The following CLSTN1 variants were observed in gnomAD, a reference collection of about 807,000 sequenced individuals.
The protein encoded by CLSTN1 is calsyntenin-1.
In CLSTN1, 28 loss-of-function variants were observed where a neutral mutation model predicts 108.3. The ratio of observed to expected loss-of-function variants is 0.26; its 90% CI spans 0.19 to 0.35. CLSTN1 has a LOEUF of 0.35. CLSTN1 is among the 10% of genes least tolerant of loss of function. The probability of loss-of-function intolerance (pLI) is 1.00; values close to 1 mark genes in which losing one functional copy is unlikely to be tolerated. For synonymous variants in CLSTN1, 524 were observed against 534.9 expected (o/e 0.98, Z 0.28); for missense variants, 1,157 against 1,302.6 (o/e 0.89, Z 1.72).
chr1:9,790,378 G>A lies in CLSTN1; in HGVS notation c.92-16984C>T, dbSNP rs564746849. ...ATAGCATCTTCTGAAATGCTATTTC[G>A]GCATTAATTGGTATGCTGTGACTTT... On this transcript the variant is annotated intron_variant, in intron 1 of 18. Transcript: ENST00000377298. 1.1e-4 allele frequency among the ~76,000 whole-genome samples: 16 copies of A among 151,298 alleles called. 2 individuals carry two copies. In the South Asian group the frequency reaches 2.4e-3, roughly 23 times the overall value.
chr1:9,767,294 G>A (rs1433906036), intron 2 of CLSTN1, among the ~76,000 whole-genome samples: 2 of 152,214 alleles, frequency 1.3e-5, no homozygotes, highest in African/African-American at 2.4e-5. Flanking sequence ...TGTAATCCCA[G>A]CATTTTGGGA....
Position 9,744,443 on chromosome 1 carries a change from G to T in CLSTN1, c.1186C>A (p.Pro396Thr). The change falls in exon 8 of 19, where the codon CCA (proline) becomes ACA (threonine). Residue 396 changes from proline (P) to threonine (T), a missense_variant. Transcript: ENST00000377298. ...ATTGTCTCCTTCTTCCTGCCGAATG[G>T]CCCATGTCTCATCCACACCGAGATG... is the stretch of plus-strand genomic sequence containing the variant. Reference protein sequence around the residue: ...FTISVWMRHGPFGRKKETILC... With the variant: ...FTISVWMRHGTFGRKKETILC... The T allele has an allele frequency of 6.2e-7, 1 of 1,609,862 alleles. No individual in the cohort carries two copies. The highest frequency in any genetic ancestry group is 8.5e-7 in the Non-Finnish European group (1 of 1,179,540).
chr1:9,735,111 C>T lies in CLSTN1; in HGVS notation c.1947G>A (p.Gln649=), dbSNP rs1557690183. 1.2e-6 allele frequency: 2 copies of T among 1,614,222 alleles called. No individual in the cohort carries two copies. Among genetic ancestry groups the T allele is most frequent in the Non-Finnish European group, 1.7e-6 (2 of 1,180,042 alleles). Residue 649 remains glutamine, a synonymous_variant, in exon 14 of 19, where the codon CAG becomes CAA. Transcript: ENST00000377298. ...TCAGGCTGATCTTGGGCTCCTCGGG[C>T]TGTAAAACCATCACGTAGCCATCTA... The part of the protein sequence containing the change: ...PPVDGYVMVL[Q]PEEPKISLSG...
intron 1 of CLSTN1, among the ~76,000 whole-genome samples, chr1:9,817,222 T>C (rs74649083): frequency 0.024 from 3,705 of 152,328 alleles, 70 homozygotes; most frequent in Non-Finnish European, 0.039. Context: ...TTTAAGATAA[T>C]GATTCATGTC....
rs748805500 is a variant in CLSTN1 at position 9,735,938 on chromosome 1, A to G, written c.1681T>C (p.Cys561Arg). Reference protein sequence around the residue: ...DKKVIDCLYTCKEGLDLQVLE... With the variant: ...DKKVIDCLYTRKEGLDLQVLE... ...ACCTGCAGGTCCAGCCCCTCCTTGCAGGTATACAGACAGTCGATCACCTTC... is the reference window on the plus strand; with the variant it reads ...ACCTGCAGGTCCAGCCCCTCCTTGCGGGTATACAGACAGTCGATCACCTTC... Residue 561 changes from cysteine (C) to arginine (R), a missense_variant, in exon 12 of 19, where the codon TGC becomes CGC. Cys to Arg is a radical substitution (Grantham distance 180, BLOSUM62 -3). Transcript: ENST00000377298. 6.2e-7 allele frequency: 1 copy of G among 1,614,182 alleles called. No homozygotes were observed. The highest frequency in any genetic ancestry group is 8.5e-7 in the Non-Finnish European group (1 of 1,180,028).
chr1:9,788,736 C>T (rs961625021), intron 1 of CLSTN1, among the ~76,000 whole-genome samples: 3 of 150,226 alleles, frequency 2.0e-5, no homozygotes, highest in Non-Finnish European at 4.4e-5. Context: ...GGCGTGGTGG[C>T]GGGTGCCTGC....
chr1:9,786,371 G>A (rs1235551500), intron 1 of CLSTN1, among the ~76,000 whole-genome samples: 3 of 152,078 alleles, frequency 2.0e-5, no homozygotes, highest in African/African-American at 4.8e-5. Context: ...GCTGGGCGCG[G>A]TGGCTCATGC....
chr1:9,764,452 C>T (rs113062035), intron 2 of CLSTN1, among the ~76,000 whole-genome samples: 1 of 152,060 alleles, frequency 6.6e-6, no homozygotes, highest in African/African-American at 2.4e-5. Flanking sequence ...GCCTGGGTAA[C>T]ATGGTGAAAC....
chr1:9,806,607 C>T (rs1337123180), intron 1 of CLSTN1, among the ~76,000 whole-genome samples: 2 of 152,074 alleles, frequency 1.3e-5, no homozygotes. Flanking sequence ...AGGCCGGGCG[C>T]GGTGGCTCAC....
intron 1 of CLSTN1, among the ~76,000 whole-genome samples, chr1:9,783,925 AG>A (rs1174528953): frequency 6.6e-6 from 1 of 151,870 alleles, no homozygotes; most frequent in Non-Finnish European, 1.5e-5. Flanking sequence ...CCTGGGAGGC[AG>A]AGGTTGCAGG....
chr1:9,739,035 G>A (rs1251064046), intron 10 of CLSTN1, among the ~76,000 whole-genome samples: 1 of 152,202 alleles, frequency 6.6e-6, no homozygotes, highest in African/African-American at 2.4e-5. Context: ...TAATGATGAT[G>A]ATACCTTGAA....
intron 1 of CLSTN1, among the ~76,000 whole-genome samples, chr1:9,788,637 G>A (rs1047814368): frequency 5.3e-5 from 8 of 151,108 alleles, no homozygotes; most frequent in African/African-American, 1.9e-4. Context: ...GGAGGCCGAG[G>A]CAGGCGGATC....
intron 5 of CLSTN1, among the ~76,000 whole-genome samples, chr1:9,750,435 T>C (rs1570450907): frequency 6.6e-6 from 1 of 152,194 alleles, no homozygotes; most frequent in African/African-American, 2.4e-5. Context: ...AACACTGTAT[T>C]ATCTTTTTTT....
chr1:9,730,595 G>A lies in CLSTN1; in HGVS notation c.2859C>T (p.Ser953=), dbSNP rs199996642. 9 of 1,609,716 alleles carry A rather than the reference G, an allele frequency of 5.6e-6. No individual in the cohort carries two copies. The highest frequency in any genetic ancestry group is 2.7e-5 in the African/African-American group (2 of 74,848). The change falls in exon 19 of 19, where the codon AGC becomes AGT. Residue 953 remains serine, a synonymous_variant. Transcript: ENST00000377298. This position sits in a 1 kb window ranked among gnomAD's most constrained non-coding sequence, Gnocchi z 5.6. ...DDITSAESES[S]EEEEGEQGDP... is the part of the protein sequence containing the mutation. ...CGCCCTGCTCCCCCTCCTCCTCCTC[G>A]CTGCTCTCCGACTCGGCGCTGGTGA...
chr1:9,733,840 C>A, intron 15 of CLSTN1, 132 bp downstream of exon 15: 2 of 948,528 alleles, frequency 2.1e-6, no homozygotes, highest in South Asian at 3.2e-5. Flanking sequence ...ATGATCCCAG[C>A]GAACGTGCTC....
At chr1:9,760,534 C>T (rs561713852) in intron 2 of CLSTN1, among the ~76,000 whole-genome samples, 1 of 152,188 alleles carries the variant, frequency 6.6e-6, no homozygotes, top group South Asian at 2.1e-4. Context: ...TGATGAGATA[C>T]AATGAGGGCT....
At chr1:9,735,671 G>A in intron 12 of CLSTN1, 56 bp from the exon 13 acceptor site, 2 of 1,605,418 alleles carry the variant, frequency 1.2e-6, no homozygotes, top group Non-Finnish European at 8.5e-7. Context: ...CGCAGGAGCT[G>A]AAACCACAGA....
intron 1 of CLSTN1, among the ~76,000 whole-genome samples, chr1:9,792,636 A>T (rs1653820073): frequency 6.6e-6 from 1 of 151,412 alleles, no homozygotes; most frequent in Non-Finnish European, 1.5e-5. Context: ...GCCCTTGGCT[A>T]CGGTATCCCT....
intron 3 of CLSTN1, 24 bp downstream of exon 3, chr1:9,756,457 G>A: frequency 6.2e-7 from 1 of 1,603,870 alleles, no homozygotes. Flanking sequence ...ATTCATAAGA[G>A]GGGAAGAAAG....
Sources: allele counts gnomAD v4.1 joint callset (sites outside exome capture counted in the v4.1 genomes callset), GRCh38; gene constraint gnomAD v4.1.1; non-coding constraint Gnocchi (gnomAD v3.1); transcripts MANE v1.5; gene names NCBI Gene and HGNC (gene_info 2026-07-23, HGNC 2026-07-21).